Variants in BDP1 observed in about 807,000 individuals in gnomAD.
The protein encoded by BDP1 is transcription factor TFIIIB component B'' homolog.
Under a neutral mutation model 266.6 loss-of-function variants are expected in BDP1, and 169 were observed. That is an observed-to-expected ratio of 0.63 (90% CI 0.56 to 0.72). BDP1 has a LOEUF of 0.72. Among genes scored for constraint, BDP1 ranks in the 30% least tolerant of loss-of-function variants. BDP1 has a pLI of 0.00. For synonymous variants in BDP1, 1,090 were observed against 1,022.4 expected (o/e 1.07, Z -1.26); for missense variants, 3,015 against 3,053.8 (o/e 0.99, Z 0.30).
intron 12 of BDP1, among the ~76,000 whole-genome samples, chr5:71,496,874 C>T (rs1455360729): frequency 6.6e-6 from 1 of 152,224 alleles, no homozygotes; most frequent in African/African-American, 2.4e-5. Context: ...TGAGCCACTG[C>T]GCCCGGCCTT....
chr5:71,499,371 C>T (rs1764094194), intron 13 of BDP1, among the ~76,000 whole-genome samples: 1 of 152,238 alleles, frequency 6.6e-6, no homozygotes, highest in African/African-American at 2.4e-5. Context: ...AATCCCAGCA[C>T]TTTGTGAGGC....
At position 71,556,382 on chromosome 5, in the gene BDP1, T is replaced by C. The variant is rs76778718; in HGVS notation, c.7201-504T>C. ...CCGATTTTAATAGGAGAACTTCCAG[T>C]GTTTATTATGTGGGATGCTAGCTTC... is the stretch of plus-strand genomic sequence containing the variant. On this transcript the variant is annotated intron_variant, in intron 35 of 38. Coordinates refer to ENST00000358731, the MANE Select transcript of BDP1 (RefSeq NM_018429.3). Among the ~76,000 whole-genome samples the C allele has an allele frequency of 2.4e-3, 366 of 152,180 alleles. 2 individuals carry two copies. The highest frequency in any genetic ancestry group is 8.5e-3 in the African/African-American group (354 of 41,536).
chr5:71,531,266 A>G (rs1178523983), intron 25 of BDP1, among the ~76,000 whole-genome samples: 1 of 152,174 alleles, frequency 6.6e-6, no homozygotes, highest in African/African-American at 2.4e-5. Context: ...ATAACAAAAG[A>G]AAAACAAAAA....
In BDP1 at chr5:71,512,399, T is replaced by G; in HGVS notation, c.4218T>G (p.Val1406=). The part of the protein sequence containing the change: ...TEVQGIQSPD[V]PEQFSDINLS... ...TCCAGGGGATTCAATCTCCAGATGTTCCAGAGCAGTTTTCAGATATTAATT... is the reference window on the plus strand; with the variant it reads ...TCCAGGGGATTCAATCTCCAGATGTGCCAGAGCAGTTTTCAGATATTAATT... Residue 1406 remains valine (V), a synonymous_variant, in exon 18 of 39, where the codon GTT becomes GTG. Coordinates refer to ENST00000358731, the MANE Select transcript of BDP1 (RefSeq NM_018429.3). The G allele has an allele frequency of 1.3e-6, 2 of 1,570,198 alleles. No individual in the cohort carries two copies. The highest frequency in any genetic ancestry group is 1.7e-6 in the Non-Finnish European group (2 of 1,167,054).
At position 71,544,416 on chromosome 5, in the gene BDP1, A is replaced by G. The variant is rs868443189; in HGVS notation, c.6472A>G (p.Thr2158Ala). Residue 2158 changes from threonine (T) to alanine (A), a missense_variant, in exon 31 of 39, where the codon ACA (threonine) becomes GCA (alanine). Thr to Ala is a moderately conservative substitution (Grantham distance 58). Coordinates refer to ENST00000358731, the MANE Select transcript of BDP1 (RefSeq NM_018429.3). ...ELENKNLGPV[T>A]TAENKDQSKL... The stretch of plus-strand genomic sequence containing the variant: ...GGAAAATAAAAACCTCGGACCAGTT[A>G]CAACAGCAGAGAATAAGGATCAGAG... 2 of 1,614,006 alleles carry G rather than the reference A, an allele frequency of 1.2e-6. No individual in the cohort carries two copies. Among genetic ancestry groups the G allele is most frequent in the African/African-American group, 1.3e-5 (1 of 75,068 alleles).
At chr5:71,521,134 C>G (rs1247171681) in intron 22 of BDP1, among the ~76,000 whole-genome samples, 1 of 149,782 alleles carries the variant, frequency 6.7e-6, no homozygotes, top group Non-Finnish European at 1.5e-5. Flanking sequence ...TTACAGTGAG[C>G]CGAGATCGCA....
At position 71,489,429 on chromosome 5, in the gene BDP1, G is replaced by A; in HGVS notation, c.1239G>A (p.Val413=). 1.9e-6 allele frequency: 3 copies of A among 1,609,198 alleles called. No individual in the cohort carries two copies. Among genetic ancestry groups the A allele is most frequent in the Non-Finnish European group, 2.5e-6 (3 of 1,178,788 alleles). ...VKVKKVACEG[V]NNDPDESMSS... is the part of the protein sequence containing the mutation. Reference sequence around the variant, plus strand: ...TGAAAAAAGTTGCCTGTGAAGGAGTGAATAATGATCCAGATGAGTCTATGA... The same window carrying A: ...TGAAAAAAGTTGCCTGTGAAGGAGTAAATAATGATCCAGATGAGTCTATGA... The change falls in exon 10 of 39, where the codon GTG becomes GTA. Residue 413 remains valine, a synonymous_variant. Coordinates refer to ENST00000358731, the MANE Select transcript of BDP1 (RefSeq NM_018429.3).
chr5:71,527,027 A>G (rs1765930369), intron 25 of BDP1, among the ~76,000 whole-genome samples: 1 of 151,878 alleles, frequency 6.6e-6, no homozygotes. Context: ...GGCATTAAGA[A>G]CATTCACATG....
At chr5:71,541,199 A>G (rs1223234239) in intron 28 of BDP1, among the ~76,000 whole-genome samples, 2 of 152,198 alleles carry the variant, frequency 1.3e-5, no homozygotes, top group Non-Finnish European at 2.9e-5. Flanking sequence ...TTTACTAATA[A>G]TCGGATAAAA....
At chr5:71,506,400 C>T (rs1484647008) in intron 16 of BDP1, among the ~76,000 whole-genome samples, 1 of 152,070 alleles carries the variant, frequency 6.6e-6, no homozygotes, top group Admixed American at 6.6e-5. Context: ...AAGTTTTCCC[C>T]CTCTCCTACT....
chr5:71,483,899 A>C lies in BDP1; in HGVS notation c.1069+3A>C. 6.2e-7 allele frequency: 1 copy of C among 1,604,606 alleles called. No individual in the cohort carries two copies. The highest frequency in any genetic ancestry group is 8.5e-7 in the Non-Finnish European group (1 of 1,172,292). On this transcript the variant is annotated splice_donor_region_variant and intron_variant, in intron 8 of 38. Transcript: ENST00000358731. ...ATGGAGAATAGACAAAGCATTCCGT[A>C]AGTATTAAGACCTCTTTTACAAAGT...
At chr5:71,464,990 T>C (rs1317088730) in intron 4 of BDP1, among the ~76,000 whole-genome samples, 1 of 152,068 alleles carries the variant, frequency 6.6e-6, no homozygotes, top group Non-Finnish European at 1.5e-5. Flanking sequence ...GTGCTGGGAT[T>C]ACAGGTGTAA....
At chr5:71,467,133 AT>A (rs2150358463) in intron 5 of BDP1, among the ~76,000 whole-genome samples, 1 of 152,332 alleles carries the variant, frequency 6.6e-6, no homozygotes, top group Admixed American at 6.5e-5. Flanking sequence ...TATTGCTGTT[AT>A]GGATTTTGAA....
intron 19 of BDP1, 69 bp from the exon 20 acceptor site, chr5:71,514,875 A>G (rs1561736732): frequency 8.9e-7 from 1 of 1,122,054 alleles, no homozygotes; most frequent in Non-Finnish European, 1.3e-6. Flanking sequence ...ATATCAGTTT[A>G]TACTTGTAAA....
chr5:71,467,290 A>G, intron 5 of BDP1, 64 bp from the exon 6 acceptor site: 1 of 1,314,688 alleles, frequency 7.6e-7, no homozygotes, highest in East Asian at 2.3e-5. Flanking sequence ...AACTATTTAC[A>G]TCTCATTTGC....
chr5:71,536,211 T>G (rs920547020), intron 26 of BDP1, among the ~76,000 whole-genome samples: 3 of 152,228 alleles, frequency 2.0e-5, no homozygotes, highest in African/African-American at 7.2e-5. Context: ...TACACAATTC[T>G]TCACATTTAT....
chr5:71,473,677 C>G (rs907029311), intron 7 of BDP1, among the ~76,000 whole-genome samples: 2 of 151,786 alleles, frequency 1.3e-5, no homozygotes, highest in Non-Finnish European at 2.9e-5. Context: ...GTTTTTCTAG[C>G]TTCTTTATTT....
downstream of BDP1, among the ~76,000 whole-genome samples, chr5:71,572,316 C>T (rs116410697): frequency 6.6e-6 from 1 of 151,330 alleles, no homozygotes; most frequent in African/African-American, 2.5e-5. Context: ...TTGTTCAGTC[C>T]ACCAGGGATC....
At position 71,489,766 on chromosome 5, in the gene BDP1, C is replaced by A. The variant is rs1011992739; in HGVS notation, c.1492+84C>A. The A allele has an allele frequency of 9.2e-6, 11 of 1,200,930 alleles. No individual in the cohort carries two copies. In the African/African-American group the frequency reaches 1.4e-4, roughly 15 times the overall value. 74.4% of individuals were successfully genotyped at this position (1,200,930 alleles called of 1,614,324 possible). A position where few individuals can be genotyped will look rare whatever the true frequency, so the allele number is the denominator to read the frequency against. ...TATGGTATGTAACTTAATTTTCTGT[C>A]TAGATAGCAATTAATGATGCTTATT... On this transcript the variant is annotated intron_variant, in intron 10 of 38. Transcript: ENST00000358731.
Sources: gnomAD v4.1 joint callset for allele counts (sites outside exome capture counted in the v4.1 genomes callset) on GRCh38, gnomAD v4.1.1 for gene constraint, MANE v1.5 for transcripts, NCBI Gene and HGNC (gene_info 2026-07-23, HGNC 2026-07-21) for gene names.